The following PTPRD variants were observed in gnomAD, a reference collection of about 807,000 sequenced individuals.
PTPRD encodes protein tyrosine phosphatase receptor type D.
PTPRD carries 34 observed loss-of-function variants against 214.5 expected under a neutral mutation model. That is an observed-to-expected ratio of 0.16 (90% CI 0.12 to 0.21). The LOEUF (loss-of-function observed/expected upper bound fraction) is 0.21, where lower values mean the gene tolerates loss of function less well. Among genes scored for constraint, PTPRD ranks in the 10% least tolerant of loss-of-function variants. The probability of loss-of-function intolerance (pLI) is 1.00; values close to 1 mark genes in which losing one functional copy is unlikely to be tolerated. For synonymous variants in PTPRD, 1,128 were observed against 845.7 expected (o/e 1.33, Z -5.79); for missense variants, 2,545 against 2,398.7 (o/e 1.06, Z -1.27).
chr9:9,077,186 C>T (rs2099752506), intron 10 of PTPRD, among the ~76,000 whole-genome samples: 1 of 147,712 alleles, frequency 6.8e-6, no homozygotes, highest in South Asian at 2.1e-4. Flanking sequence ...GTTGGTTGAG[C>T]TCCTTATATA....
chr9:8,845,183 C>CA (rs780589695), intron 11 of PTPRD, among the ~76,000 whole-genome samples: 18,562 of 73,812 alleles, frequency 0.25, 1,441 homozygotes, highest in Middle Eastern at 0.38. Context: ...AAAACAAAAA[C>CA]AAAAAAAAAC....
intron 2 of PTPRD, among the ~76,000 whole-genome samples, chr9:10,496,625 T>A (rs1566518361): frequency 6.6e-6 from 1 of 152,058 alleles, no homozygotes. Context: ...CTGTTCTTTT[T>A]TGACTTTTGA....
chr9:9,449,125 C>T lies in PTPRD; in HGVS notation c.-236-51643G>A, dbSNP rs556552982. Among the ~76,000 whole-genome samples the T allele has an allele frequency of 2.6e-5, 4 of 152,136 alleles. No individual in the cohort carries two copies. The East Asian group carries it at 7.8e-4, about 30-fold the overall frequency. ...CTGCCGCTGGCAATAACTGTCTCTT[C>T]TCCAGAATTCCAGAACAGTGAATTC... On this transcript the variant is annotated intron_variant, in intron 8 of 45. Coordinates refer to ENST00000381196, the MANE Select transcript of PTPRD (RefSeq NM_002839.4).
At chr9:9,771,588 T>A (rs1168512264) in intron 5 of PTPRD, among the ~76,000 whole-genome samples, 1 of 152,210 alleles carries the variant, frequency 6.6e-6, no homozygotes, top group Admixed American at 6.5e-5. Flanking sequence ...CTTATTTAAA[T>A]GTTAAGCCTT....
chr9:9,508,587 T>C (rs2096625476), intron 8 of PTPRD, among the ~76,000 whole-genome samples: 1 of 151,728 alleles, frequency 6.6e-6, no homozygotes, highest in Non-Finnish European at 1.5e-5. Flanking sequence ...TGAGTTTCCC[T>C]TGCTTTCCAA....
intron 14 of PTPRD, among the ~76,000 whole-genome samples, chr9:8,581,649 G>A (rs2093119558): frequency 1.3e-5 from 2 of 152,258 alleles, no homozygotes; most frequent in African/African-American, 4.8e-5. Context: ...TTGGGAGGCT[G>A]AGGCAGGAGA....
intron 2 of PTPRD, among the ~76,000 whole-genome samples, chr9:10,488,247 G>T (rs966563606): frequency 6.6e-6 from 1 of 151,604 alleles, no homozygotes; most frequent in Non-Finnish European, 1.5e-5. Flanking sequence ...GGCGCCTGTA[G>T]TCCCAGCTAC....
At chr9:9,793,735 T>A (rs914953884) in intron 5 of PTPRD, among the ~76,000 whole-genome samples, 2 of 152,100 alleles carry the variant, frequency 1.3e-5, no homozygotes, top group Non-Finnish European at 2.9e-5. Flanking sequence ...AAAAAGTATC[T>A]TATTTGTTCT....
intron 9 of PTPRD, among the ~76,000 whole-genome samples, chr9:9,311,811 T>C (rs532000462): frequency 1.3e-5 from 2 of 152,292 alleles, no homozygotes; most frequent in African/African-American, 4.8e-5. Context: ...ACCTGTACTT[T>C]GCAAGCAATT....
intron 9 of PTPRD, among the ~76,000 whole-genome samples, chr9:9,205,995 G>C (rs952894454): frequency 1.8e-4 from 27 of 152,180 alleles, no homozygotes; most frequent in African/African-American, 6.3e-4. Flanking sequence ...GGTTTTAAGA[G>C]AAGGCTTAAG....
intron 2 of PTPRD, among the ~76,000 whole-genome samples, chr9:10,349,352 G>A (rs1358913483): frequency 6.6e-6 from 1 of 151,744 alleles, no homozygotes; most frequent in Non-Finnish European, 1.5e-5. Flanking sequence ...ACACAAACAC[G>A]CACACAAACA....
intron 4 of PTPRD, among the ~76,000 whole-genome samples, chr9:10,002,562 T>A (rs1298803094): frequency 6.6e-6 from 1 of 150,952 alleles, no homozygotes; most frequent in African/African-American, 2.4e-5. Flanking sequence ...CAAAATAGAC[T>A]TAAACCTACA....
At chr9:9,211,561 G>T (rs933735690) in intron 9 of PTPRD, among the ~76,000 whole-genome samples, 1 of 133,074 alleles carries the variant, frequency 7.5e-6, no homozygotes, top group Non-Finnish European at 1.7e-5. Flanking sequence ...ACACACACAA[G>T]AGCTAAGGTT....
chr9:8,602,854 C>G (rs773478665), intron 14 of PTPRD, among the ~76,000 whole-genome samples: 1 of 152,150 alleles, frequency 6.6e-6, no homozygotes, highest in Non-Finnish European at 1.5e-5. Context: ...AGCTTTAATT[C>G]CATCTCCATC....
chr9:9,119,599 G>A lies in PTPRD; in HGVS notation c.-143+63705C>T, dbSNP rs564409551. Among the ~76,000 whole-genome samples the A allele has an allele frequency of 8.8e-4, 134 of 151,442 alleles. 1 individual carries two copies. The highest frequency in any genetic ancestry group is 2.6e-3 in the African/African-American group (109 of 41,176). On this transcript the variant is annotated intron_variant, in intron 10 of 45. Coordinates refer to ENST00000381196, the MANE Select transcript of PTPRD (RefSeq NM_002839.4). ...AGCTGGAGTGCAGTGGCACAATCTCGGCTCACTGCAACCTCCCAGGTTCAA... is the reference window on the plus strand; with the variant it reads ...AGCTGGAGTGCAGTGGCACAATCTCAGCTCACTGCAACCTCCCAGGTTCAA...
intron 4 of PTPRD, among the ~76,000 whole-genome samples, chr9:9,954,567 T>C (rs1327950645): frequency 1.2e-5 from 1 of 82,836 alleles, no homozygotes; most frequent in East Asian, 7.9e-4. Flanking sequence ...AATGCAGAAA[T>C]AGAAAATCTG....
rs191577934 is a variant in PTPRD, at chr9:8,828,163, T to C, written c.-103-94217A>G. Among the ~76,000 whole-genome samples, 130 of 152,320 alleles carry C rather than the reference T, an allele frequency of 8.5e-4. 1 individual carries two copies. The highest frequency in any genetic ancestry group is 7.7e-3 in the Admixed American group (117 of 15,294). ...AAAGAGAATCATTTCTGTCTTCCAA[T>C]GGCTAATTTGAAACTGGTGATACTC... is the stretch of plus-strand genomic sequence containing the variant. On this transcript the variant is annotated intron_variant, in intron 11 of 45. Transcript: ENST00000381196.
intron 2 of PTPRD, among the ~76,000 whole-genome samples, chr9:10,554,878 T>C (rs1428004718): frequency 2.0e-5 from 3 of 152,174 alleles, no homozygotes; most frequent in Admixed American, 6.5e-5. Context: ...GCCAGGATGG[T>C]CTCGATCTCC....
intron 8 of PTPRD, among the ~76,000 whole-genome samples, chr9:9,516,119 T>G (rs1409149407): frequency 6.6e-6 from 1 of 152,162 alleles, no homozygotes; most frequent in Non-Finnish European, 1.5e-5. Context: ...TCTTTGAAAA[T>G]TAAAATTGAT....
Sources: gnomAD v4.1 joint callset for allele counts (sites outside exome capture counted in the v4.1 genomes callset) on GRCh38, gnomAD v4.1.1 for gene constraint, MANE v1.5 for transcripts, NCBI Gene and HGNC (gene_info 2026-07-23, HGNC 2026-07-21) for gene names.